ATP6V0A4: variants seen among roughly 807,000 people sequenced by gnomAD.
ATP6V0A4 encodes the protein ATPase H+ transporting V0 subunit a4.
Under a neutral mutation model 107.3 loss-of-function variants are expected in ATP6V0A4, and 86 were observed. That is an observed-to-expected ratio of 0.80 (90% confidence interval 0.67 to 0.96). ATP6V0A4 has a LOEUF of 0.96. Among genes scored for constraint, ATP6V0A4 ranks in the 40% least tolerant of loss-of-function variants. The pLI, the probability that ATP6V0A4 is intolerant of heterozygous loss-of-function variation, is 0.00. For missense variants in ATP6V0A4, 908 were observed against 1,045.6 expected (o/e 0.87, Z 1.81); for synonymous variants, 353 against 381.4 (o/e 0.93, Z 0.87).
intron 17 of ATP6V0A4, among the ~76,000 whole-genome samples, chr7:138,732,521 C>T (rs1355591022): frequency 6.6e-6 from 1 of 152,004 alleles, no homozygotes; most frequent in East Asian, 1.9e-4. Flanking sequence ...AGGCCAGGTG[C>T]GGTGGCTCAC....
intron 8 of ATP6V0A4, 31 bp from the exon 9 acceptor site, chr7:138,756,571 G>T (rs762904811): frequency 1.6e-5 from 25 of 1,598,202 alleles, no homozygotes; most frequent in South Asian, 4.4e-5. Context: ...AAAAAAAAAG[G>T]GGGGGGTTTC....
At chr7:138,736,504 A>G (rs6467796) in intron 15 of ATP6V0A4, among the ~76,000 whole-genome samples, 91,939 of 151,978 alleles carry the variant, frequency 0.6, 28,405 homozygotes, top group East Asian at 0.92. Flanking sequence ...CTGTTCTGGC[A>G]GTTTTACATG....
Position 138,745,658 on chromosome 7 carries a change from C to CAAA in ATP6V0A4, c.1321-381_1321-379dup, listed in dbSNP as rs566336992. Among the ~76,000 whole-genome samples, 39 of 42,762 alleles carry CAAA rather than the reference C, an allele frequency of 9.1e-4. 9 individuals carry two copies. In the South Asian group the frequency reaches 0.02, roughly 22 times the overall value. The allele number at this position is 42,762 out of a possible 152,430, so 28.1% of individuals were successfully genotyped here. A position where few individuals can be genotyped will look rare whatever the true frequency, so the allele number is the denominator to read the frequency against. ...CACCACTGCGCTCCAGCCTGTGTCT[C>CAAA]AAAAAAAAAAAAAGGCCGGGTGTGA... On this transcript the variant is annotated intron_variant, in intron 13 of 21. Transcript: ENST00000310018.
intron 19 of ATP6V0A4, among the ~76,000 whole-genome samples, chr7:138,720,048 G>C (rs1401150841): frequency 6.6e-6 from 1 of 151,568 alleles, no homozygotes; most frequent in Non-Finnish European, 1.5e-5. Flanking sequence ...AAAAACAACT[G>C]TCAGCATAGC....
intron 16 of ATP6V0A4, 83 bp from the exon 17 acceptor site, chr7:138,733,176 C>T (rs910993076): frequency 3.0e-5 from 48 of 1,580,046 alleles, no homozygotes; most frequent in African/African-American, 1.4e-5. Context: ...AGCACAAAAG[C>T]ACAAAATGTT....
chr7:138,794,472 C>T lies in ATP6V0A4; in HGVS notation c.-121+3562G>A, dbSNP rs116013993. On this transcript the variant is annotated intron_variant, in intron 1 of 21. Transcript: ENST00000310018. ...TCTTTTAGCCCTGGAAACTCTCTGC[C>T]TACTTCTTTTCTTTTTCACATGAAA... 3.3e-3 allele frequency among the ~76,000 whole-genome samples: 499 copies of T among 152,252 alleles called. 2 individuals are homozygous for T. Among genetic ancestry groups the T allele is most frequent in the African/African-American group, 0.012 (481 of 41,546 alleles).
chr7:138,784,816 C>T (rs12534201), intron 2 of ATP6V0A4, among the ~76,000 whole-genome samples: 56,402 of 152,078 alleles, frequency 0.37, 11,937 homozygotes, highest in South Asian at 0.51. Flanking sequence ...CTGGGGCACA[C>T]TGCCAGTTCC....
chr7:138,750,415 A>G (rs1476516729), intron 11 of ATP6V0A4, among the ~76,000 whole-genome samples: 1 of 152,068 alleles, frequency 6.6e-6, no homozygotes, highest in Non-Finnish European at 1.5e-5. Context: ...TATGTTACAC[A>G]GGCTGGTCTT....
At position 138,749,255 on chromosome 7, in the gene ATP6V0A4, G is replaced by C. The variant is rs367994457; in HGVS notation, c.1092C>G (p.Pro364=). The C allele has an allele frequency of 5.6e-6, 9 of 1,613,938 alleles. No homozygotes were observed. Among genetic ancestry groups the C allele is most frequent in the Non-Finnish European group, 7.6e-6 (9 of 1,179,970 alleles). The stretch of plus-strand genomic sequence containing the variant: ...TGAATTTATTGGTCCTGTTAAATGT[G>C]GGAGGGGCTGTTTTAGATTGCACTG... ...MTTVQSKTAP[P]TFNRTNKFTA... Residue 364 remains proline, a synonymous_variant, in exon 12 of 22, where the codon CCC becomes CCG. Transcript: ENST00000310018.
chr7:138,795,182 C>T (rs1808599796), intron 1 of ATP6V0A4, among the ~76,000 whole-genome samples: 1 of 152,232 alleles, frequency 6.6e-6, no homozygotes, highest in Admixed American at 6.5e-5. Flanking sequence ...GATTACAGGC[C>T]TGAGCCACCG....
intron 17 of ATP6V0A4, among the ~76,000 whole-genome samples, chr7:138,730,192 CTTTTAAATG>C (rs1276372150): frequency 1.3e-5 from 2 of 152,176 alleles, no homozygotes; most frequent in African/African-American, 4.8e-5. Context: ...CCTCACTCTA[CTTTTAAATG>C]TCCAAAAGAG....
At chr7:138,783,878 C>T (rs1339969172) in intron 2 of ATP6V0A4, among the ~76,000 whole-genome samples, 1 of 152,106 alleles carries the variant, frequency 6.6e-6, no homozygotes, top group Non-Finnish European at 1.5e-5. Flanking sequence ...CATAGCATTG[C>T]TGATTCTTGG....
chr7:138,790,547 G>T (rs565927105), intron 1 of ATP6V0A4, among the ~76,000 whole-genome samples: 1 of 152,128 alleles, frequency 6.6e-6, no homozygotes, highest in Non-Finnish European at 1.5e-5. Context: ...AGCCCACCTT[G>T]GCCTTCCAAA....
At chr7:138,789,685 C>T (rs1023768686) in intron 1 of ATP6V0A4, among the ~76,000 whole-genome samples, 4 of 151,324 alleles carry the variant, frequency 2.6e-5, no homozygotes, top group African/African-American at 9.7e-5. Context: ...AATGTATTAA[C>T]TTAGGCCAGG....
chr7:138,706,407 C>A lies in ATP6V0A4; in HGVS notation c.*217G>T. On this transcript the variant is annotated 3_prime_UTR_variant, in exon 22 of 22. Coordinates refer to ENST00000310018, the MANE Select transcript of ATP6V0A4 (RefSeq NM_020632.3). Reference sequence around the variant, plus strand: ...TTACTTTATTATTTGAGAATTAATACCCCACATGAAGACAATATCACTTGC... The same window carrying A: ...TTACTTTATTATTTGAGAATTAATAACCCACATGAAGACAATATCACTTGC... The A allele has an allele frequency of 3.5e-6, 2 of 569,466 alleles. No homozygotes were observed. The highest frequency in any genetic ancestry group is 6.3e-6 in the Non-Finnish European group (2 of 317,490). The allele number at this position is 569,466 out of a possible 1,614,324, so 35.3% of individuals were successfully genotyped here.
chr7:138,779,179 AAAT>A (rs1807811131), intron 2 of ATP6V0A4, among the ~76,000 whole-genome samples: 1 of 151,904 alleles, frequency 6.6e-6, no homozygotes, highest in Non-Finnish European at 1.5e-5. Context: ...TCATCTCTAC[AAAT>A]AATAATAATA....
At chr7:138,759,973 G>C in intron 7 of ATP6V0A4, 95 bp from the exon 8 acceptor site, 5 of 1,598,656 alleles carry the variant, frequency 3.1e-6, no homozygotes. Flanking sequence ...ATGAAAGGAA[G>C]GGCCATTCAC....
At chr7:138,733,163 C>G in intron 16 of ATP6V0A4, 70 bp from the exon 17 acceptor site, 4 of 1,594,542 alleles carry the variant, frequency 2.5e-6, no homozygotes, top group Non-Finnish European at 3.4e-6. Context: ...ATTATTCTCT[C>G]AAAGCACAAA....
rs531282477 is a variant in ATP6V0A4 at position 138,761,032 on chromosome 7, CA to C, written c.513-1155del. Among the ~76,000 whole-genome samples, 13 of 152,018 alleles carry C rather than the reference CA, an allele frequency of 8.6e-5. No homozygotes were observed. In the South Asian group the frequency reaches 2.3e-3, roughly 27 times the overall value. On this transcript the variant is annotated intron_variant, in intron 7 of 21. Transcript: ENST00000310018. ...CTTGCTATGTTGCTCAGGCTGATCT[CA>C]AACTCCTGGCCTCAAGTGATCCTCC...
Sources: allele counts gnomAD v4.1 joint callset (sites outside exome capture counted in the v4.1 genomes callset), GRCh38; gene constraint gnomAD v4.1.1; transcripts MANE v1.5; gene names NCBI Gene and HGNC (gene_info 2026-07-23, HGNC 2026-07-21).